TADA3: variants seen among roughly 807,000 people sequenced by gnomAD.
The protein encoded by TADA3 is transcriptional adaptor 3.
A neutral mutation model predicts 43.2 loss-of-function variants in TADA3; 25 were observed. The ratio of observed to expected loss-of-function variants is 0.58; its 90% confidence interval spans 0.42 to 0.81. The LOEUF (loss-of-function observed/expected upper bound fraction) is 0.81, where lower values mean the gene tolerates loss of function less well. Ranked by LOEUF, TADA3 falls within the 30% of genes least tolerant of loss-of-function variation. The pLI, the probability that TADA3 is intolerant of heterozygous loss-of-function variation, is 0.00. For synonymous variants in TADA3, 235 were observed against 225.5 expected (o/e 1.04, Z -0.38); for missense variants, 441 against 567.8 (o/e 0.78, Z 2.27).
rs772313492 is a variant in TADA3 at position 9,789,699 on chromosome 3, C to T, written c.458+14G>A. On this transcript the variant is annotated intron_variant, in intron 3 of 8. Transcript: ENST00000301964. ...GAACCTTGAGGCCCCCTTCTATGTTCTCTAGCCCAGAACCTGTTGGGGGCA... is the reference window on the plus strand; with the variant it reads ...GAACCTTGAGGCCCCCTTCTATGTTTTCTAGCCCAGAACCTGTTGGGGGCA... 2.5e-6 allele frequency: 4 copies of T among 1,610,942 alleles called. No homozygotes were observed. Among genetic ancestry groups the T allele is most frequent in the Non-Finnish European group, 2.5e-6 (3 of 1,177,734 alleles).
At position 9,787,121 on chromosome 3, in the gene TADA3, C is replaced by G. The variant is rs376039356; in HGVS notation, c.707-12G>C. The G allele has an allele frequency of 2.5e-6, 4 of 1,614,154 alleles. No individual in the cohort carries two copies. Among genetic ancestry groups the G allele is most frequent in the Admixed American group, 3.3e-5 (2 of 60,016 alleles). On this transcript the variant is annotated splice_polypyrimidine_tract_variant and intron_variant, in intron 5 of 8. Transcript: ENST00000301964. ...CAGGGCATCCACATCTAAGCGGGCA[C>G]AGGAAAGGAGGGGAGGTGGGCTGAA...
chr3:9,785,942 GT>G (rs555853526), intron 6 of TADA3, among the ~76,000 whole-genome samples: 44 of 144,040 alleles, frequency 3.1e-4, no homozygotes, highest in Non-Finnish European at 2.6e-4. Context: ...GTTTTGTTTT[GT>G]TTTTTTTTTT....
chr3:9,786,987 T>C lies in TADA3; in HGVS notation c.810+19A>G. On this transcript the variant is annotated intron_variant, in intron 6 of 8. Coordinates refer to ENST00000301964, the MANE Select transcript of TADA3 (RefSeq NM_006354.5). The stretch of plus-strand genomic sequence containing the variant: ...AACACAAAGTAAATATGGTTCCTCT[T>C]TTGGGTTAGGCTGCTCACCTCCACC... 6.9e-6 allele frequency: 11 copies of C among 1,602,666 alleles called. No individual in the cohort carries two copies. Among genetic ancestry groups the C allele is most frequent in the Non-Finnish European group, 8.5e-6 (10 of 1,170,918 alleles).
chr3:9,790,075 C>T (rs1265212490), intron 2 of TADA3, 112 bp from the exon 3 acceptor site: 5 of 1,342,552 alleles, frequency 3.7e-6, no homozygotes, highest in Non-Finnish European at 4.9e-6. Context: ...GGGTCTTTCC[C>T]CATCCTCTTT....
chr3:9,790,458 C>G (rs142760752), intron 2 of TADA3, among the ~76,000 whole-genome samples: 63 of 152,300 alleles, frequency 4.1e-4, no homozygotes, highest in African/African-American at 1.5e-3. Context: ...CTTCACAGCT[C>G]CAACGTGCAC....
upstream of TADA3, chr3:9,792,548 G>T (rs1032463918): frequency 8.1e-7 from 1 of 1,227,388 alleles, no homozygotes; most frequent in Non-Finnish European, 1.0e-6. Flanking sequence ...AGTTTGCCGG[G>T]GGTGGGAAGA....
chr3:9,790,225 G>A (rs2078700443), intron 2 of TADA3, among the ~76,000 whole-genome samples: 1 of 152,156 alleles, frequency 6.6e-6, no homozygotes, highest in Non-Finnish European at 1.5e-5. Flanking sequence ...ACCCATGCCA[G>A]TCACATACTG....
chr3:9,790,711 T>C (rs181413253), intron 2 of TADA3, among the ~76,000 whole-genome samples: 3 of 152,352 alleles, frequency 2.0e-5, no homozygotes, highest in Admixed American at 2.0e-4. Context: ...TTGCAAAAAA[T>C]TCTCTTTTAA....
chr3:9,792,683 C>T (rs932461303), upstream of TADA3: 12 of 1,233,228 alleles, frequency 9.7e-6, no homozygotes, highest in Admixed American at 2.1e-4. Context: ...GCAGTTAGCC[C>T]CGCCGAGCGC....
chr3:9,790,777 A>T (rs530382838), intron 2 of TADA3, among the ~76,000 whole-genome samples: 3 of 152,344 alleles, frequency 2.0e-5, no homozygotes, highest in African/African-American at 7.2e-5. Flanking sequence ...GCAGATAGGG[A>T]AACTGACACT....
At chr3:9,791,562 A>G in intron 1 of TADA3, 69 bp from the exon 2 acceptor site, 1 of 936,082 alleles carries the variant, frequency 1.1e-6, no homozygotes, top group South Asian at 1.7e-5. Flanking sequence ...TCTTACCTCC[A>G]GGGACAGCCT....
At position 9,791,237 on chromosome 3, in the gene TADA3, T is replaced by C. The variant is rs200911394; in HGVS notation, c.207+23A>G. The C allele has an allele frequency of 8.0e-5, 128 of 1,601,426 alleles. 1 individual carries two copies. In the South Asian group the frequency reaches 1.3e-3, roughly 17 times the overall value. ...ACTTGTTGCAGTCCATCTCTGGTGC[T>C]GGCCCCTCTCTGGGGTTATCACCTG... On this transcript the variant is annotated intron_variant, in intron 2 of 8. Coordinates refer to ENST00000301964, the MANE Select transcript of TADA3 (RefSeq NM_006354.5).
intron 6 of TADA3, among the ~76,000 whole-genome samples, chr3:9,785,946 T>G (rs1484117149): frequency 1.3e-5 from 2 of 151,294 alleles, no homozygotes; most frequent in Non-Finnish European, 2.9e-5. Flanking sequence ...TGTTTTGTTT[T>G]TTTTTTTTGA....
At chr3:9,786,982 C>A (rs756377893) in intron 6 of TADA3, 24 bp downstream of exon 6, 1 of 1,587,940 alleles carries the variant, frequency 6.3e-7, no homozygotes, top group Non-Finnish European at 8.6e-7. Flanking sequence ...AAATATGGTT[C>A]CTCTTTTGGG....
intron 6 of TADA3, 152 bp from the exon 7 acceptor site, chr3:9,785,577 A>G: frequency 3.4e-6 from 2 of 584,662 alleles, no homozygotes; most frequent in Non-Finnish European, 6.1e-6. Context: ...CCAATCCCAA[A>G]TTGCTTTGAT....
intron 7 of TADA3, among the ~76,000 whole-genome samples, chr3:9,784,915 G>C (rs1422319419): frequency 6.6e-6 from 1 of 151,512 alleles, no homozygotes; most frequent in Non-Finnish European, 1.5e-5. Flanking sequence ...AGTAAAAATA[G>C]TATTATACCA....
intron 8 of TADA3, chr3:9,783,239 A>G (rs1375529899): frequency 6.6e-6 from 1 of 152,198 alleles, no homozygotes; most frequent in Non-Finnish European, 1.5e-5. Context: ...ATGAAAAGAC[A>G]AAAAATAAAT....
rs2078696230 is a variant in TADA3 at position 9,789,913 on chromosome 3, C to A, written c.258G>T (p.Leu86=). 1 of 1,612,848 alleles carries A rather than the reference C, an allele frequency of 6.2e-7. No individual in the cohort carries two copies. Among genetic ancestry groups the A allele is most frequent in the Non-Finnish European group, 8.5e-7 (1 of 1,179,648 alleles). The change falls in exon 3 of 9, where the codon CTG becomes CTT. Residue 86 remains leucine (L), a synonymous_variant. Coordinates refer to ENST00000301964, the MANE Select transcript of TADA3 (RefSeq NM_006354.5). ...DKKGDRRFLK[L]GRDHELGAPP... ...GAGCTCCAAGTTCATGGTCTCGACC[C>A]AGCTTCAGGAATCGTCTGTCACCTT...
chr3:9,789,756 G>A lies in TADA3; in HGVS notation c.415C>T (p.Pro139Ser). 6.2e-7 allele frequency: 1 copy of A among 1,614,192 alleles called. No homozygotes were observed. Among genetic ancestry groups the A allele is most frequent in the South Asian group, 1.1e-5 (1 of 91,084 alleles). The change falls in exon 3 of 9, where the codon CCT becomes TCT. Residue 139 changes from proline (P) to serine (S), a missense_variant. Coordinates refer to ENST00000301964, the MANE Select transcript of TADA3 (RefSeq NM_006354.5). ...KIQEYEFTDD[P>S]IDVPRIPKND... is the part of the protein sequence containing the mutation. ...TTGGGGATCCGTGGCACGTCGATAG[G>A]GTCATCAGTGAATTCATATTCCTGG...
Sources: gnomAD v4.1 joint callset for allele counts (sites outside exome capture counted in the v4.1 genomes callset) on GRCh38, gnomAD v4.1.1 for gene constraint, MANE v1.5 for transcripts, NCBI Gene and HGNC (gene_info 2026-07-23, HGNC 2026-07-21) for gene names.